Variants in TMEM109 observed in about 807,000 individuals in gnomAD.
The protein encoded by TMEM109 is transmembrane protein 109.
A neutral mutation model predicts 26.4 loss-of-function variants in TMEM109; 19 were observed. The ratio of observed to expected loss-of-function variants is 0.72; its 90% CI spans 0.50 to 1.06. TMEM109 has a LOEUF of 1.06. TMEM109 is among the 50% of genes least tolerant of loss of function. The pLI is 0.00. For missense variants in TMEM109, 262 were observed against 303.4 expected, an observed-to-expected ratio of 0.86 and a Z score of 1.01; for synonymous variants, 129 against 142.0, an observed-to-expected ratio of 0.91 and a Z score of 0.65.
intron 1 of TMEM109, among the ~76,000 whole-genome samples, chr11:60,915,963 ATGGCC>A (rs1278867177): frequency 1.3e-5 from 2 of 152,178 alleles, no homozygotes; most frequent in African/African-American, 4.8e-5. Context: ...GTACAAAACC[ATGGCC>A]TGTAAGCCCA....
Position 60,922,450 on chromosome 11 carries a change from G to A in TMEM109, c.*285G>A, listed in dbSNP as rs943929986. 29 of 1,295,830 alleles carry A rather than the reference G, an allele frequency of 2.2e-5. No individual in the cohort carries two copies. The highest frequency in any genetic ancestry group is 3.1e-5 in the Non-Finnish European group (29 of 948,698). 80.3% of individuals were successfully genotyped at this position (1,295,830 alleles called of 1,614,324 possible). A position where few individuals can be genotyped will look rare whatever the true frequency, so the allele number is the denominator to read the frequency against. ...GGGAAGGTTGGAGGGGCCTCCCTCTGGCTTCTGCATCTGCGCCAGCAAACA... is the reference window on the plus strand; with the variant it reads ...GGGAAGGTTGGAGGGGCCTCCCTCTAGCTTCTGCATCTGCGCCAGCAAACA... On this transcript the variant is annotated 3_prime_UTR_variant, in exon 4 of 4. Transcript: ENST00000227525.
intron 1 of TMEM109, chr11:60,918,758 T>A (rs997437262): frequency 4.6e-5 from 7 of 152,112 alleles, no homozygotes; most frequent in Admixed American, 4.6e-4. Context: ...TCAACATGAG[T>A]TTTGCTCTTC....
At chr11:60,920,703 G>A (rs563510477) in intron 2 of TMEM109, among the ~76,000 whole-genome samples, 183 bp from the exon 3 acceptor site, 44 of 152,328 alleles carry the variant, frequency 2.9e-4, no homozygotes, top group Admixed American at 1.0e-3. Flanking sequence ...ACTAGAAGGT[G>A]GATGTGGAAG....
intron 3 of TMEM109, 94 bp from the exon 4 acceptor site, chr11:60,921,680 T>C (rs1234251873): frequency 4.7e-5 from 43 of 908,840 alleles, no homozygotes; most frequent in South Asian, 1.6e-5. Flanking sequence ...TCCTTTGCAA[T>C]GTGCCTAGCA....
At position 60,919,913 on chromosome 11, in the gene TMEM109, A is replaced by G. The variant is rs1303328074; in HGVS notation, c.220A>G (p.Met74Val). Reference protein sequence around the residue: ...TLDAWIGPETMHLVSESSSQV... With the variant: ...TLDAWIGPETVHLVSESSSQV... ...GGATGCCTGGATTGGGCCAGAGACC[A>G]TGCACCTGGTGTCAGAGGTAAGGAA... Residue 74 changes from methionine (M) to valine (V), a missense_variant, in exon 2 of 4, where the codon ATG (methionine) becomes GTG (valine). Coordinates refer to ENST00000227525, the MANE Select transcript of TMEM109 (RefSeq NM_024092.3). The G allele has an allele frequency of 6.2e-7, 1 of 1,614,034 alleles. No individual in the cohort carries two copies. Among genetic ancestry groups the G allele is most frequent in the Non-Finnish European group, 8.5e-7 (1 of 1,179,980 alleles).
chr11:60,921,621 G>C (rs953873881), intron 3 of TMEM109, among the ~76,000 whole-genome samples, 153 bp from the exon 4 acceptor site: 1 of 152,200 alleles, frequency 6.6e-6, no homozygotes, highest in South Asian at 2.1e-4. Context: ...GCAAGAAACA[G>C]AGCTGAGATT....
At chr11:60,921,093 C>A in intron 3 of TMEM109, 105 bp downstream of exon 3, 1 of 1,013,492 alleles carries the variant, frequency 9.9e-7, no homozygotes, top group Non-Finnish European at 1.5e-6. Flanking sequence ...AGCTGCTTAA[C>A]CCTTCCCAGG....
intron 1 of TMEM109, among the ~76,000 whole-genome samples, chr11:60,914,659 C>T (rs1167504923): frequency 1.3e-5 from 2 of 152,254 alleles, no homozygotes; most frequent in African/African-American, 4.8e-5. Flanking sequence ...CGCCACGTTC[C>T]TTGCCAGCGA....
chr11:60,920,604 A>G (rs1590617366), intron 2 of TMEM109, among the ~76,000 whole-genome samples: 1 of 152,090 alleles, frequency 6.6e-6, no homozygotes, highest in Non-Finnish European at 1.5e-5. Context: ...ACTCCCTCCA[A>G]AGTATCCCAG....
At chr11:60,915,863 C>T (rs929985494) in intron 1 of TMEM109, among the ~76,000 whole-genome samples, 7 of 152,208 alleles carry the variant, frequency 4.6e-5, no homozygotes, top group African/African-American at 1.7e-4. Context: ...CCAGGCTGGG[C>T]TCTCCAGACC....
At position 60,922,296 on chromosome 11, in the gene TMEM109, C is replaced by T; in HGVS notation, c.*131C>T. The T allele has an allele frequency of 6.5e-7, 1 of 1,541,350 alleles. No individual in the cohort carries two copies. The highest frequency in any genetic ancestry group is 8.7e-7 in the Non-Finnish European group (1 of 1,146,766). On this transcript the variant is annotated 3_prime_UTR_variant, in exon 4 of 4. Transcript: ENST00000227525. ...ACCTTCAGAACATTGATCCTTGCCG[C>T]AGCCCCACTAGCCAAGAGAAACAGA...
intron 1 of TMEM109, among the ~76,000 whole-genome samples, chr11:60,916,675 G>A (rs1234362057): frequency 2.0e-5 from 3 of 152,162 alleles, no homozygotes; most frequent in Non-Finnish European, 4.4e-5. Flanking sequence ...TTTGGTATCT[G>A]GTGCACTTCA....
At position 60,922,490 on chromosome 11, in the gene TMEM109, C is replaced by A; in HGVS notation, c.*325C>A. On this transcript the variant is annotated 3_prime_UTR_variant, in exon 4 of 4. Coordinates refer to ENST00000227525, the MANE Select transcript of TMEM109 (RefSeq NM_024092.3). Reference sequence around the variant, plus strand: ...GCCAGCAAACATCACTGCCGTTGGTCTCTCATGACTTAACTGGCTTCCCTC... The same window carrying A: ...GCCAGCAAACATCACTGCCGTTGGTATCTCATGACTTAACTGGCTTCCCTC... 1 of 814,586 alleles carries A rather than the reference C, an allele frequency of 1.2e-6. No homozygotes were observed. The highest frequency in any genetic ancestry group is 1.8e-6 in the Non-Finnish European group (1 of 548,724). The allele number at this position is 814,586 out of a possible 1,614,324, so 50.5% of individuals were successfully genotyped here. A position where few individuals can be genotyped will look rare whatever the true frequency, so the allele number is the denominator to read the frequency against.
chr11:60,916,426 A>G (rs1856175708), intron 1 of TMEM109, among the ~76,000 whole-genome samples: 1 of 152,244 alleles, frequency 6.6e-6, no homozygotes, highest in Admixed American at 6.5e-5. Context: ...CAGAAGGTGA[A>G]GAAGTTTTAA....
Position 60,922,354 on chromosome 11 carries a change from C to G in TMEM109, c.*189C>G. ...CATTCCCCCTGCCTGTCCTTGCGGC[C>G]CTGTCTTCTGAGGTTCTCTGTCTGG... On this transcript the variant is annotated 3_prime_UTR_variant, in exon 4 of 4. Coordinates refer to ENST00000227525, the MANE Select transcript of TMEM109 (RefSeq NM_024092.3). 6.5e-7 allele frequency: 1 copy of G among 1,534,394 alleles called. No individual in the cohort carries two copies. The highest frequency in any genetic ancestry group is 2.4e-5 in the East Asian group (1 of 40,852).
chr11:60,914,894 G>T (rs1480383611), intron 1 of TMEM109, among the ~76,000 whole-genome samples: 1 of 152,248 alleles, frequency 6.6e-6, no homozygotes, highest in Non-Finnish European at 1.5e-5. Flanking sequence ...TGCAGTGGCG[G>T]CTTCGCCTTG....
In TMEM109 at chr11:60,922,195, T is replaced by A. The variant is rs1225712821; in HGVS notation, c.*30T>A. ...GATGCCCCACACACCGCCAGTGTCA[T>A]ACCAAAGAGCTGAGCTGCTTCGGGG... On this transcript the variant is annotated 3_prime_UTR_variant, in exon 4 of 4. Coordinates refer to ENST00000227525, the MANE Select transcript of TMEM109 (RefSeq NM_024092.3). 2 of 1,558,426 alleles carry A rather than the reference T, an allele frequency of 1.3e-6. No individual in the cohort carries two copies. The highest frequency in any genetic ancestry group is 1.7e-6 in the Non-Finnish European group (2 of 1,151,218).
rs754591216 is a variant in TMEM109 at position 60,921,982 on chromosome 11, C to T, written c.549C>T (p.Ser183=). Residue 183 remains serine, a synonymous_variant, in exon 4 of 4, where the codon TCC becomes TCT. Transcript: ENST00000227525. ...VALMRSVPDP[S]TRALLLLALL... is the part of the protein sequence containing the mutation. Reference sequence around the variant, plus strand: ...TGATGAGGTCGGTGCCTGACCCTTCCACCCGGGCCCTGCTACTCCTGGCCT... The same window carrying T: ...TGATGAGGTCGGTGCCTGACCCTTCTACCCGGGCCCTGCTACTCCTGGCCT... The T allele has an allele frequency of 1.1e-5, 18 of 1,613,492 alleles. No individual in the cohort carries two copies. The highest frequency in any genetic ancestry group is 1.3e-5 in the African/African-American group (1 of 74,944).
intron 1 of TMEM109, among the ~76,000 whole-genome samples, chr11:60,916,990 T>C (rs1856181165): frequency 1.3e-5 from 2 of 152,228 alleles, no homozygotes; most frequent in African/African-American, 4.8e-5. Flanking sequence ...TTTCCTCATC[T>C]GCGACCACTG....
Sources: allele counts gnomAD v4.1 joint callset (sites outside exome capture counted in the v4.1 genomes callset), GRCh38; gene constraint gnomAD v4.1.1; transcripts MANE v1.5; gene names NCBI Gene and HGNC (gene_info 2026-07-23, HGNC 2026-07-21).